The following WWC2 variants were observed in gnomAD, a reference collection of about 807,000 sequenced individuals.
The protein encoded by WWC2 is protein WWC2.
A neutral mutation model predicts 138.5 loss-of-function variants in WWC2; 101 were observed. The observed-to-expected ratio is 0.73, with a 90% CI of 0.62 to 0.86. WWC2 has a LOEUF of 0.86. Ranked by LOEUF, WWC2 falls within the 40% of genes least tolerant of loss-of-function variation. WWC2 has a pLI of 0.00. For missense variants in WWC2, 1,420 were observed against 1,419.4 expected (o/e 1.00, Z -0.01); for synonymous variants, 558 against 538.4 (o/e 1.04, Z -0.50).
At chr4:183,202,429 C>T (rs1313825906) in intron 2 of WWC2, among the ~76,000 whole-genome samples, 1 of 152,082 alleles carries the variant, frequency 6.6e-6, no homozygotes, top group Admixed American at 6.5e-5. Context: ...ATGATCAATA[C>T]ACCATCCACT....
At chr4:183,225,149 A>G (rs1366362512) in intron 4 of WWC2, among the ~76,000 whole-genome samples, 2 of 152,160 alleles carry the variant, frequency 1.3e-5, no homozygotes, top group African/African-American at 4.8e-5. Flanking sequence ...ACCATGCTCT[A>G]TATGCATGAG....
At chr4:183,139,304 T>C (rs1733218897) in intron 1 of WWC2, among the ~76,000 whole-genome samples, 1 of 152,196 alleles carries the variant, frequency 6.6e-6, no homozygotes, top group Admixed American at 6.5e-5. Flanking sequence ...AAATTCTACC[T>C]CTGTATGCTC....
At chr4:183,262,451 G>A (rs932683302) in intron 11 of WWC2, among the ~76,000 whole-genome samples, 1 of 152,216 alleles carries the variant, frequency 6.6e-6, no homozygotes, top group African/African-American at 2.4e-5. Flanking sequence ...TTATTTGTAT[G>A]TATGGTCCTA....
At chr4:183,307,096 T>C (rs1330330763) in intron 21 of WWC2, among the ~76,000 whole-genome samples, 2 of 152,158 alleles carry the variant, frequency 1.3e-5, no homozygotes, top group African/African-American at 2.4e-5. Context: ...CACCAAGATA[T>C]AGACCACAGT....
At chr4:183,133,152 C>CTTTTTTTTTTTTTTTT (rs374079982) in intron 1 of WWC2, among the ~76,000 whole-genome samples, 5 of 59,192 alleles carry the variant, frequency 8.4e-5, no homozygotes, top group South Asian at 4.9e-4. Context: ...TCTTTTTTTT[C>CTTTTTTTTTTTTTTTT]TTTTTTTTTT....
intron 1 of WWC2, among the ~76,000 whole-genome samples, chr4:183,169,274 A>G (rs2111159832): frequency 6.6e-6 from 1 of 152,332 alleles, no homozygotes. Flanking sequence ...ATCATTATTG[A>G]TGCTCCTTGA....
chr4:183,213,790 A>G (rs974037770), intron 4 of WWC2, among the ~76,000 whole-genome samples: 2 of 152,170 alleles, frequency 1.3e-5, no homozygotes, highest in Non-Finnish European at 1.5e-5. Context: ...CTCAATAGCC[A>G]TTTTTTAAGG....
intron 1 of WWC2, among the ~76,000 whole-genome samples, chr4:183,164,864 T>C (rs1372738988): frequency 1.3e-5 from 2 of 152,146 alleles, no homozygotes; most frequent in African/African-American, 4.8e-5. Context: ...CTGGTTACCA[T>C]AAGGATTTTT....
At chr4:183,154,858 C>T (rs1366055671) in intron 1 of WWC2, among the ~76,000 whole-genome samples, 1 of 152,186 alleles carries the variant, frequency 6.6e-6, no homozygotes, top group Non-Finnish European at 1.5e-5. Flanking sequence ...AACCGCTCTA[C>T]TGCCTAACCT....
rs189254778 is a variant in WWC2 at position 183,183,141 on chromosome 4, T to C, written c.132-10458T>C. ...TCATGCAACACAATCAAGAATAGTA[T>C]TTCTAGGTTAAAAGGAATTAACATT... On this transcript the variant is annotated intron_variant, in intron 1 of 22. Coordinates refer to ENST00000403733, the MANE Select transcript of WWC2 (RefSeq NM_024949.6). Among the ~76,000 whole-genome samples the C allele has an allele frequency of 1.6e-3, 239 of 152,320 alleles. 1 individual carries two copies. Among genetic ancestry groups the C allele is most frequent in the Non-Finnish European group, 2.7e-3 (185 of 68,032 alleles).
chr4:183,268,101 A>T (rs922351084), intron 14 of WWC2, among the ~76,000 whole-genome samples: 1 of 152,232 alleles, frequency 6.6e-6, no homozygotes, highest in South Asian at 2.1e-4. Flanking sequence ...TATGAAATAC[A>T]AAATAATATG....
chr4:183,196,205 C>G lies in WWC2; in HGVS notation c.241+2497C>G, dbSNP rs551037539. On this transcript the variant is annotated intron_variant, in intron 2 of 22. Coordinates refer to ENST00000403733, the MANE Select transcript of WWC2 (RefSeq NM_024949.6). ...CCTGCAGAACCGTGAGTTAATTAAA[C>G]CTCTTTTCTTCATAAATTACTCAGT... Among the ~76,000 whole-genome samples, 153 of 152,248 alleles carry G rather than the reference C, an allele frequency of 1.0e-3. 2 individuals are homozygous for G. The highest frequency in any genetic ancestry group is 2.2e-4 in the Non-Finnish European group (15 of 68,022).
chr4:183,132,819 A>G (rs1008274577), intron 1 of WWC2, among the ~76,000 whole-genome samples: 16 of 152,100 alleles, frequency 1.1e-4, no homozygotes, highest in Non-Finnish European at 2.2e-4. Context: ...GTTATATTAA[A>G]TACATTAATT....
chr4:183,279,423 T>C (rs1228154252), intron 16 of WWC2, among the ~76,000 whole-genome samples: 1 of 152,112 alleles, frequency 6.6e-6, no homozygotes, highest in Admixed American at 6.5e-5. Flanking sequence ...TCAAGGATAT[T>C]GGTCTAAAAT....
intron 1 of WWC2, among the ~76,000 whole-genome samples, chr4:183,179,094 C>T (rs1251987822): frequency 1.3e-5 from 2 of 152,128 alleles, no homozygotes; most frequent in African/African-American, 2.4e-5. Flanking sequence ...GAGGTAGCAA[C>T]ATGAAAAGCC....
intron 1 of WWC2, among the ~76,000 whole-genome samples, chr4:183,129,908 C>G (rs1018188947): frequency 4.6e-5 from 7 of 152,160 alleles, no homozygotes; most frequent in African/African-American, 1.7e-4. Context: ...TACAGCACAG[C>G]TCCCTCTTTT....
chr4:183,111,387 A>G lies in WWC2; in HGVS notation c.131+11765A>G, dbSNP rs189234456. On this transcript the variant is annotated intron_variant, in intron 1 of 22. Coordinates refer to ENST00000403733, the MANE Select transcript of WWC2 (RefSeq NM_024949.6). ...TAAAATGTGGTAGACAACTTTGCAC[A>G]AGATTTGAGGAGCATGTAGTTTCAT... 2.6e-5 allele frequency among the ~76,000 whole-genome samples: 4 copies of G among 152,368 alleles called. No individual in the cohort carries two copies. The East Asian group carries it at 7.7e-4, about 29-fold the overall frequency.
At position 183,267,466 on chromosome 4, in the gene WWC2, G is replaced by A. The variant is rs139888609; in HGVS notation, c.2208-1505G>A. Among the ~76,000 whole-genome samples, 3 of 152,320 alleles carry A rather than the reference G, an allele frequency of 2.0e-5. No homozygotes were observed. The East Asian group carries it at 5.8e-4, about 29-fold the overall frequency. Reference sequence around the variant, plus strand: ...ATGCCATTGGTGGCCTTTTAGTAAAGCAAATCATGGAGAAGACAAGTCTAC... The same window carrying A: ...ATGCCATTGGTGGCCTTTTAGTAAAACAAATCATGGAGAAGACAAGTCTAC... On this transcript the variant is annotated intron_variant, in intron 14 of 22. Transcript: ENST00000403733.
intron 4 of WWC2, among the ~76,000 whole-genome samples, chr4:183,228,730 T>C (rs1449636153): frequency 6.6e-6 from 1 of 152,012 alleles, no homozygotes; most frequent in South Asian, 2.1e-4. Context: ...GGTGGGAAAC[T>C]GGCCTTTCCT....
Sources: allele counts gnomAD v4.1 joint callset (sites outside exome capture counted in the v4.1 genomes callset), GRCh38; gene constraint gnomAD v4.1.1; transcripts MANE v1.5; gene names NCBI Gene and HGNC (gene_info 2026-07-23, HGNC 2026-07-21).